The following RALB variants were observed in gnomAD, a reference collection of about 807,000 sequenced individuals.
RALB encodes ras-related protein Ral-B.
In RALB, 16 loss-of-function variants were observed where a neutral mutation model predicts 21.3. That is an observed-to-expected ratio of 0.75 (90% CI 0.51 to 1.14). RALB has a LOEUF of 1.14. RALB is among the 50% of genes most tolerant of loss of function. The pLI is 0.00. For missense variants in RALB, 161 were observed against 256.2 expected, an observed-to-expected ratio of 0.63 and a Z score of 2.54; for synonymous variants, 93 against 96.1, an observed-to-expected ratio of 0.97 and a Z score of 0.19.
intron 4 of RALB, among the ~76,000 whole-genome samples, chr2:120,292,476 CAA>C (rs991713587): frequency 3.9e-5 from 6 of 152,270 alleles, no homozygotes; most frequent in African/African-American, 1.4e-4. Flanking sequence ...GCAGGGGTGT[CAA>C]GAGCACCTGG....
At chr2:120,267,763 T>C (rs1017839417) in intron 1 of RALB, among the ~76,000 whole-genome samples, 14 of 152,196 alleles carry the variant, frequency 9.2e-5, no homozygotes, top group Non-Finnish European at 1.5e-5. Flanking sequence ...GAAATCGTTC[T>C]TTAAAAAATG....
chr2:120,289,550 A>T (rs748981769), intron 3 of RALB, 30 bp from the exon 4 acceptor site: 1 of 1,600,480 alleles, frequency 6.2e-7, no homozygotes. Context: ...TAGTTTTTTT[A>T]GCTGCTGTAT....
upstream of RALB, among the ~76,000 whole-genome samples, chr2:120,250,290 A>T (rs1689034646): frequency 6.6e-6 from 1 of 152,214 alleles, no homozygotes; most frequent in African/African-American, 2.4e-5. Flanking sequence ...ACAGGTTGGT[A>T]GGGGGCCTGT....
chr2:120,273,356 G>T (rs567793939), intron 1 of RALB, among the ~76,000 whole-genome samples: 1 of 152,176 alleles, frequency 6.6e-6, no homozygotes, highest in East Asian at 1.9e-4. Flanking sequence ...TCCATGTGGG[G>T]TCAGTCTGAA....
At position 120,285,902 on chromosome 2, in the gene RALB, C is replaced by T; in HGVS notation, c.143C>T (p.Ala48Val). The T allele has an allele frequency of 6.2e-7, 1 of 1,613,700 alleles. No individual in the cohort carries two copies. Among genetic ancestry groups the T allele is most frequent in the Non-Finnish European group, 8.5e-7 (1 of 1,179,700 alleles). Residue 48 changes from alanine (A) to valine (V), a missense_variant, in exon 3 of 5, where the codon GCT becomes GTT. By Grantham distance (64) the Ala-to-Val change is moderately conservative. Transcript: ENST00000272519. ...GTAGAAGACTATGAACCTACCAAAG[C>T]TGACAGTTATAGAAAGAAAGTGGTT... ...EFVEDYEPTK[A>V]DSYRKKVVLD...
At chr2:120,246,239 C>T (rs1688969276) in intron 1 of RALB, among the ~76,000 whole-genome samples, 1 of 152,154 alleles carries the variant, frequency 6.6e-6, no homozygotes. Context: ...GGGCCAGTCC[C>T]AGTCCTGGGG....
chr2:120,290,287 C>A (rs73948794), intron 4 of RALB, among the ~76,000 whole-genome samples: 3 of 152,120 alleles, frequency 2.0e-5, no homozygotes, highest in African/African-American at 7.2e-5. Flanking sequence ...CCACACCCGG[C>A]GGACTATGCT....
At chr2:120,245,942 C>CTATTATGCG (rs2104567438) in intron 1 of RALB, among the ~76,000 whole-genome samples, 1 of 152,304 alleles carries the variant, frequency 6.6e-6, no homozygotes. Context: ...CCTTTGATCC[C>CTATTATGCG]CACCCCAGAG....
chr2:120,268,841 G>GAAGGA (rs546015838), intron 1 of RALB, among the ~76,000 whole-genome samples: 3 of 152,164 alleles, frequency 2.0e-5, no homozygotes, highest in Non-Finnish European at 4.4e-5. Context: ...TTTAGAACAG[G>GAAGGA]AAGGAAAGGA....
chr2:120,263,013 G>C (rs1401509403), intron 1 of RALB, among the ~76,000 whole-genome samples: 1 of 152,198 alleles, frequency 6.6e-6, no homozygotes, highest in Non-Finnish European at 1.5e-5. Context: ...AGGACTCAAA[G>C]CCAGGCCCCT....
chr2:120,256,771 A>G (rs1689209790), intron 1 of RALB, among the ~76,000 whole-genome samples: 1 of 152,304 alleles, frequency 6.6e-6, no homozygotes, highest in South Asian at 2.1e-4. Flanking sequence ...CATCCCTTCT[A>G]CCAGCATTCA....
At chr2:120,278,216 G>T (rs1292951082) in intron 1 of RALB, among the ~76,000 whole-genome samples, 1 of 152,158 alleles carries the variant, frequency 6.6e-6, no homozygotes, top group Non-Finnish European at 1.5e-5. Flanking sequence ...AAGCTAAAGA[G>T]CTGGGGATTG....
chr2:120,252,025 T>C (rs571751806), upstream of RALB, among the ~76,000 whole-genome samples: 10 of 152,216 alleles, frequency 6.6e-5, no homozygotes, highest in African/African-American at 2.4e-4. Flanking sequence ...GCATAAGAGA[T>C]AGTTCCCTCC....
chr2:120,288,382 C>G (rs1295704001), intron 3 of RALB, among the ~76,000 whole-genome samples: 3 of 113,714 alleles, frequency 2.6e-5, no homozygotes, highest in African/African-American at 1.1e-4. Context: ...ACAAGGTCTC[C>G]CTATGTTGCC....
At chr2:120,280,056 C>G (rs1689948589) in intron 2 of RALB, among the ~76,000 whole-genome samples, 1 of 152,172 alleles carries the variant, frequency 6.6e-6, no homozygotes, top group African/African-American at 2.4e-5. Context: ...ATGTGAGGTG[C>G]AGGGCCAGGG....
chr2:120,277,675 C>T (rs899366786), intron 1 of RALB, among the ~76,000 whole-genome samples: 1 of 77,794 alleles, frequency 1.3e-5, no homozygotes, highest in African/African-American at 5.9e-5. Flanking sequence ...GCGTTGTGAA[C>T]GTGTTATGAG....
intron 2 of RALB, 108 bp from the exon 3 acceptor site, chr2:120,285,766 G>GT: frequency 1.2e-6 from 1 of 842,658 alleles, no homozygotes; most frequent in Non-Finnish European, 1.9e-6. Flanking sequence ...TGTTGCTTCT[G>GT]TAGTGTCCTG....
At position 120,294,185 on chromosome 2, in the gene RALB, C is replaced by T. The variant is rs771098357; in HGVS notation, c.*925C>T. ...CTAGTGAGCCTCTTGCTAAGTGTCA[C>T]ACACACTCTTCCCAAAGACGTGATG... On this transcript the variant is annotated 3_prime_UTR_variant, in exon 5 of 5. Coordinates refer to ENST00000272519, the MANE Select transcript of RALB (RefSeq NM_002881.3). 7.5e-6 allele frequency: 3 copies of T among 398,480 alleles called. No homozygotes were observed. The highest frequency in any genetic ancestry group is 6.2e-5 in the African/African-American group (3 of 48,614). The allele number at this position is 398,480 out of a possible 1,614,324, so 24.7% of individuals were successfully genotyped here. A position where few individuals can be genotyped will look rare whatever the true frequency, so the allele number is the denominator to read the frequency against.
intron 1 of RALB, among the ~76,000 whole-genome samples, chr2:120,260,122 T>C (rs930090933): frequency 6.6e-6 from 1 of 152,210 alleles, no homozygotes; most frequent in Non-Finnish European, 1.5e-5. Context: ...CGGTTCCTGC[T>C]CGTGCCTCTC....
Sources: gnomAD v4.1 joint callset for allele counts (sites outside exome capture counted in the v4.1 genomes callset) on GRCh38, gnomAD v4.1.1 for gene constraint, MANE v1.5 for transcripts, NCBI Gene and HGNC (gene_info 2026-07-23, HGNC 2026-07-21) for gene names.